ASIC2: variants seen among roughly 807,000 people sequenced by gnomAD.
ASIC2 encodes the protein acid sensing ion channel subunit 2.
In ASIC2, 25 loss-of-function variants were observed where a neutral mutation model predicts 57.3. The observed-to-expected ratio is 0.44, with a 90% CI of 0.32 to 0.61. The LOEUF is 0.61. Ranked by LOEUF, ASIC2 falls within the 20% of genes least tolerant of loss-of-function variation. The probability of loss-of-function intolerance (pLI) is 0.06; values close to 1 mark genes in which losing one functional copy is unlikely to be tolerated. For missense variants in ASIC2, 641 were observed against 738.1 expected, an observed-to-expected ratio of 0.87 and a Z score of 1.52; for synonymous variants, 319 against 307.5, an observed-to-expected ratio of 1.04 and a Z score of -0.39.
At chr17:33,552,227 A>G (rs922888563) in intron 1 of ASIC2, among the ~76,000 whole-genome samples, 1 of 152,240 alleles carries the variant, frequency 6.6e-6, no homozygotes, top group African/African-American at 2.4e-5. Flanking sequence ...GGTTTTCCTT[A>G]TAACCCAATT....
At chr17:33,232,653 T>C (rs1908151193) in intron 1 of ASIC2, among the ~76,000 whole-genome samples, 1 of 152,244 alleles carries the variant, frequency 6.6e-6, no homozygotes, top group Admixed American at 6.5e-5. Context: ...ATGTAAATTG[T>C]CAATCCTACA....
At chr17:33,427,833 T>C (rs1911271390) in intron 1 of ASIC2, among the ~76,000 whole-genome samples, 1 of 152,210 alleles carries the variant, frequency 6.6e-6, no homozygotes, top group South Asian at 2.1e-4. Context: ...GACTATCCTA[T>C]GTAACCAAGA....
intron 5 of ASIC2, 122 bp from the exon 6 acceptor site, chr17:33,024,136 TGA>T: frequency 7.6e-7 from 1 of 1,321,168 alleles, no homozygotes. Context: ...CTGGGGAAAG[TGA>T]GGGGCAGGGA....
chr17:33,633,734 AG>A, intron 1 of ASIC2, among the ~76,000 whole-genome samples: 1 of 152,166 alleles, frequency 6.6e-6, no homozygotes, highest in Non-Finnish European at 1.5e-5. Flanking sequence ...ACCATTTAAT[AG>A]CTTCTCAGCC....
At chr17:33,199,770 G>A (rs528241124) in intron 1 of ASIC2, among the ~76,000 whole-genome samples, 2 of 152,132 alleles carry the variant, frequency 1.3e-5, no homozygotes, top group East Asian at 1.9e-4. Context: ...TACCTTGATC[G>A]CCATTCCAAC....
chr17:33,470,044 T>A (rs1912996315), intron 1 of ASIC2, among the ~76,000 whole-genome samples: 1 of 152,024 alleles, frequency 6.6e-6, no homozygotes, highest in Non-Finnish European at 1.5e-5. Context: ...GAATGTGCAC[T>A]GAAATGGGGA....
intron 1 of ASIC2, among the ~76,000 whole-genome samples, chr17:33,379,569 C>T (rs1449068418): frequency 6.6e-6 from 1 of 152,178 alleles, no homozygotes; most frequent in Non-Finnish European, 1.5e-5. Flanking sequence ...CTCACACTCA[C>T]ACCTTTTGCC....
At chr17:33,438,510 T>C (rs1182131429) in intron 1 of ASIC2, among the ~76,000 whole-genome samples, 2 of 152,128 alleles carry the variant, frequency 1.3e-5, no homozygotes, top group Non-Finnish European at 2.9e-5. Flanking sequence ...AAGCATGTGC[T>C]AAGAAAATCA....
intron 1 of ASIC2, among the ~76,000 whole-genome samples, chr17:33,511,595 C>T (rs1315164270): frequency 1.3e-5 from 2 of 152,170 alleles, no homozygotes; most frequent in Admixed American, 6.5e-5. Context: ...TGCCCACTTC[C>T]TCCCTGTCTC....
intron 1 of ASIC2, among the ~76,000 whole-genome samples, chr17:34,060,691 A>G (rs937367609): frequency 3.3e-5 from 5 of 152,204 alleles, no homozygotes; most frequent in Admixed American, 3.3e-4. Context: ...CACTTTTAGA[A>G]ATGCAAAATG....
At chr17:34,144,417 G>A (rs1032725167) in intron 1 of ASIC2, among the ~76,000 whole-genome samples, 2 of 152,180 alleles carry the variant, frequency 1.3e-5, no homozygotes, top group African/African-American at 2.4e-5. Flanking sequence ...ACTTTCTGGG[G>A]ACTTCCTGAT....
At chr17:33,633,705 C>A (rs995619661) in intron 1 of ASIC2, among the ~76,000 whole-genome samples, 1 of 152,234 alleles carries the variant, frequency 6.6e-6, no homozygotes, top group African/African-American at 2.4e-5. Flanking sequence ...TCTGTAGCAA[C>A]AGCCACACCC....
chr17:33,960,525 G>T (rs1904886497), intron 1 of ASIC2, among the ~76,000 whole-genome samples: 1 of 152,134 alleles, frequency 6.6e-6, no homozygotes, highest in African/African-American at 2.4e-5. Flanking sequence ...CTCTTCAAAA[G>T]TTTCCTGTTG....
Position 33,356,550 on chromosome 17 carries a change from T to C in ASIC2, c.556-244483A>G, listed in dbSNP as rs555828620. On this transcript the variant is annotated intron_variant, in intron 1 of 9. Coordinates refer to the ASIC2 transcript ENST00000359872. ...ACTGGCTGGTCTCCACCATAATTAC[T>C]ATCTTCTGTGTGCCACCTGGATGGA... Among the ~76,000 whole-genome samples, 9 of 152,262 alleles carry C rather than the reference T, an allele frequency of 5.9e-5. No homozygotes were observed. The South Asian group carries it at 1.7e-3, about 28-fold the overall frequency.
intron 2 of ASIC2, among the ~76,000 whole-genome samples, chr17:33,104,657 C>CAA (rs755455536): frequency 2.8e-4 from 42 of 152,190 alleles, no homozygotes; most frequent in Non-Finnish European, 4.9e-4. Context: ...AAAAAATAGA[C>CAA]AAGGAGGATG....
chr17:33,784,684 T>C (rs1431704797), intron 1 of ASIC2, among the ~76,000 whole-genome samples: 1 of 152,228 alleles, frequency 6.6e-6, no homozygotes, highest in Non-Finnish European at 1.5e-5. Context: ...TCATACTTAG[T>C]CCAAAATCTG....
At chr17:33,491,909 A>G (rs1365048223) in intron 1 of ASIC2, among the ~76,000 whole-genome samples, 1 of 152,054 alleles carries the variant, frequency 6.6e-6, no homozygotes, top group Non-Finnish European at 1.5e-5. Flanking sequence ...CATGCCTTAT[A>G]TTTTCTCCTC....
At chr17:33,761,922 T>A (rs1168607593) in intron 1 of ASIC2, among the ~76,000 whole-genome samples, 2 of 151,772 alleles carry the variant, frequency 1.3e-5, no homozygotes, top group Middle Eastern at 3.4e-3. Context: ...CTACTTGACC[T>A]TCCTAGGAGT....
chr17:33,106,439 G>C (rs1173191465), intron 2 of ASIC2, among the ~76,000 whole-genome samples: 1 of 152,180 alleles, frequency 6.6e-6, no homozygotes, highest in Non-Finnish European at 1.5e-5. Context: ...ATGTGAAAGG[G>C]AGGTGCCTAT....
Sources: allele counts gnomAD v4.1 joint callset (sites outside exome capture counted in the v4.1 genomes callset), GRCh38; gene constraint gnomAD v4.1.1; transcripts MANE v1.5; gene names NCBI Gene and HGNC (gene_info 2026-07-23, HGNC 2026-07-21).